The following TMC1 variants were observed in gnomAD, a reference collection of about 807,000 sequenced individuals.
The protein encoded by TMC1 is transmembrane channel-like protein 1.
A neutral mutation model predicts 105.8 loss-of-function variants in TMC1; 84 were observed. That is an observed-to-expected ratio of 0.79 (90% CI 0.67 to 0.95). TMC1 has a LOEUF of 0.95. TMC1 is among the 40% of genes least tolerant of loss of function. The pLI, the probability that TMC1 is intolerant of heterozygous loss-of-function variation, is 0.00. For synonymous variants in TMC1, 315 were observed against 311.5 expected (o/e 1.01, Z -0.12); for missense variants, 817 against 914.1 (o/e 0.89, Z 1.37).
intron 1 of TMC1, among the ~76,000 whole-genome samples, chr9:72,536,633 G>C (rs1474625252): frequency 6.6e-6 from 1 of 152,144 alleles, no homozygotes; most frequent in African/African-American, 2.4e-5. Context: ...CGCCTGGCCA[G>C]ACATTAATTC....
chr9:72,575,856 G>A (rs528864615), intron 1 of TMC1, among the ~76,000 whole-genome samples: 1 of 152,192 alleles, frequency 6.6e-6, no homozygotes, highest in East Asian at 1.9e-4. Flanking sequence ...CAGAACACAA[G>A]TTTCTGATTG....
intron 17 of TMC1, among the ~76,000 whole-genome samples, chr9:72,797,706 T>TA (rs1193437564): frequency 2.0e-5 from 3 of 151,984 alleles, no homozygotes; most frequent in African/African-American, 7.2e-5. Flanking sequence ...ACACCATGTA[T>TA]AAAAATTAAC....
At chr9:72,590,421 G>A (rs1824618470) in intron 2 of TMC1, among the ~76,000 whole-genome samples, 1 of 152,200 alleles carries the variant, frequency 6.6e-6, no homozygotes, top group South Asian at 2.1e-4. Context: ...CAGTGAAAGA[G>A]CTCTCTCCAA....
chr9:72,589,045 C>G (rs1261897887), intron 2 of TMC1, among the ~76,000 whole-genome samples: 1 of 152,180 alleles, frequency 6.6e-6, no homozygotes, highest in African/African-American at 2.4e-5. Context: ...GCTGGGATTA[C>G]AGGTGTGAGC....
At chr9:72,538,155 G>GAAAA (rs35243551) in intron 1 of TMC1, among the ~76,000 whole-genome samples, 1 of 124,436 alleles carries the variant, frequency 8.0e-6, no homozygotes. Flanking sequence ...GACCCTGTCT[G>GAAAA]AAAAAAAAAA....
chr9:72,734,274 C>T (rs964069382), intron 8 of TMC1, among the ~76,000 whole-genome samples: 2 of 152,324 alleles, frequency 1.3e-5, no homozygotes, highest in South Asian at 4.1e-4. Flanking sequence ...GGGGGAACTA[C>T]TGTAATAGTT....
intron 12 of TMC1, among the ~76,000 whole-genome samples, chr9:72,768,082 A>G (rs1827866797): frequency 6.6e-6 from 1 of 152,206 alleles, no homozygotes; most frequent in Non-Finnish European, 1.5e-5. Flanking sequence ...CCAAATGCCC[A>G]TCAATGATAG....
At chr9:72,621,626 T>C (rs1825250955) in intron 3 of TMC1, among the ~76,000 whole-genome samples, 1 of 152,198 alleles carries the variant, frequency 6.6e-6, no homozygotes, top group Non-Finnish European at 1.5e-5. Flanking sequence ...ACAGAAAGGC[T>C]GTACAGCAAA....
At chr9:72,534,971 A>G (rs1823554399) in intron 1 of TMC1, among the ~76,000 whole-genome samples, 1 of 152,128 alleles carries the variant, frequency 6.6e-6, no homozygotes, top group Non-Finnish European at 1.5e-5. Flanking sequence ...TACTTCAAAT[A>G]TATCTATTAT....
At chr9:72,775,255 CTT>C (rs35632654) in intron 13 of TMC1, among the ~76,000 whole-genome samples, 5 of 146,820 alleles carry the variant, frequency 3.4e-5, no homozygotes, top group Admixed American at 6.8e-5. Context: ...TTCTTTTATC[CTT>C]TTTTTTTTTC....
intron 1 of TMC1, among the ~76,000 whole-genome samples, chr9:72,544,478 C>CTTTTTTT (rs71493656): frequency 2.4e-5 from 3 of 125,240 alleles, no homozygotes; most frequent in African/African-American, 6.3e-5. Flanking sequence ...GATTTTTTAA[C>CTTTTTTT]TTTTTTTTTT....
rs1420666696 is a variant in TMC1, at chr9:72,740,157, T to C, written c.401T>C (p.Leu134Pro). 6 of 1,613,730 alleles carry C rather than the reference T, an allele frequency of 3.7e-6. No homozygotes were observed. Among genetic ancestry groups the C allele is most frequent in the Non-Finnish European group, 5.1e-6 (6 of 1,179,762 alleles). ...KKFVSENEGA[L>P]GKGKGKRWFA... is the part of the protein sequence containing the mutation. Reference sequence around the variant, plus strand: ...TTTGTGAGTGAAAATGAAGGGGCTCTTGGGAAAGGAAAAGGAAAACGGTGG... The same window carrying C: ...TTTGTGAGTGAAAATGAAGGGGCTCCTGGGAAAGGAAAAGGAAAACGGTGG... Residue 134 changes from leucine (L) to proline (P), a missense_variant, in exon 9 of 24, where the codon CTT becomes CCT. Leu to Pro is a moderately conservative substitution (Grantham distance 98). Transcript: ENST00000297784.
chr9:72,683,323 G>T (rs1588029316), intron 5 of TMC1, among the ~76,000 whole-genome samples: 1 of 151,856 alleles, frequency 6.6e-6, no homozygotes. Context: ...TGCTGTTCTT[G>T]GCATAGCTTA....
At chr9:72,762,514 C>T (rs958682674) in intron 12 of TMC1, among the ~76,000 whole-genome samples, 4 of 152,178 alleles carry the variant, frequency 2.6e-5, no homozygotes, top group South Asian at 2.1e-4. Flanking sequence ...CCACATCCAT[C>T]GTCTGGGCCT....
intron 12 of TMC1, among the ~76,000 whole-genome samples, chr9:72,769,624 A>G (rs1255683852): frequency 6.6e-6 from 1 of 152,234 alleles, no homozygotes; most frequent in Non-Finnish European, 1.5e-5. Context: ...AGGGAACGTC[A>G]AGAGTTGGAG....
intron 12 of TMC1, among the ~76,000 whole-genome samples, chr9:72,758,658 C>G (rs1011059197): frequency 6.6e-6 from 1 of 152,078 alleles, no homozygotes; most frequent in Non-Finnish European, 1.5e-5. Flanking sequence ...CAGAGATGTC[C>G]TAGAATTGGA....
intron 1 of TMC1, among the ~76,000 whole-genome samples, chr9:72,539,638 C>G (rs916249488): frequency 6.6e-6 from 1 of 152,142 alleles, no homozygotes; most frequent in African/African-American, 2.4e-5. Flanking sequence ...GTCAAAACCA[C>G]TTAACTAATC....
chr9:72,804,596 T>A (rs1474934736), intron 17 of TMC1, among the ~76,000 whole-genome samples: 2 of 152,208 alleles, frequency 1.3e-5, no homozygotes, highest in African/African-American at 4.8e-5. Flanking sequence ...TTCATGATTG[T>A]ATGTATAGAT....
intron 1 of TMC1, among the ~76,000 whole-genome samples, chr9:72,571,376 T>TTCTTTC (rs1554712469): frequency 8.0e-5 from 12 of 149,290 alleles, no homozygotes; most frequent in African/African-American, 2.7e-4. Flanking sequence ...ACTTCTCTCT[T>TTCTTTC]TCTCTCTCTC....
Sources: gnomAD v4.1 joint callset for allele counts (sites outside exome capture counted in the v4.1 genomes callset) on GRCh38, gnomAD v4.1.1 for gene constraint, MANE v1.5 for transcripts, NCBI Gene and HGNC (gene_info 2026-07-23, HGNC 2026-07-21) for gene names.